SPOPL: variants seen among roughly 807,000 people sequenced by gnomAD.
The protein encoded by SPOPL is speckle type BTB/POZ protein like.
A neutral mutation model predicts 53.8 loss-of-function variants in SPOPL; 23 were observed. The ratio of observed to expected loss-of-function variants is 0.43; its 90% CI spans 0.31 to 0.61. The LOEUF (loss-of-function observed/expected upper bound fraction) is 0.61, where lower values mean the gene tolerates loss of function less well. Among genes scored for constraint, SPOPL ranks in the 20% least tolerant of loss-of-function variants. The pLI is 0.12. For missense variants in SPOPL, 442 were observed against 466.9 expected (o/e 0.95, Z 0.49); for synonymous variants, 164 against 149.7 (o/e 1.10, Z -0.70).
intron 1 of SPOPL, among the ~76,000 whole-genome samples, chr2:138,532,720 G>A (rs985833771): frequency 1.2e-4 from 18 of 151,584 alleles, no homozygotes; most frequent in Admixed American, 6.6e-5. Context: ...GGGATTACAG[G>A]CATGAGCCAC....
rs1488392963 is a variant in SPOPL at position 138,559,184 on chromosome 2, A to G, written c.643A>G (p.Lys215Glu). The change falls in exon 6 of 11, where the codon AAA becomes GAA. Residue 215 changes from lysine to glutamate, a missense_variant. Coordinates refer to ENST00000280098, the MANE Select transcript of SPOPL (RefSeq NM_001001664.3). ...FVRGQEFKAH[K>E]SVLAARSPVF... ...GAGAGGACAAGAATTTAAAGCTCATAAATCTGTGCTTGCAGGTACTTTCTA... is the reference window on the plus strand; with the variant it reads ...GAGAGGACAAGAATTTAAAGCTCATGAATCTGTGCTTGCAGGTACTTTCTA... 5 of 1,613,564 alleles carry G rather than the reference A, an allele frequency of 3.1e-6. No homozygotes were observed. The highest frequency in any genetic ancestry group is 4.2e-6 in the Non-Finnish European group (5 of 1,179,746).
chr2:138,547,624 ATAAT>A (rs1452968867), intron 1 of SPOPL, among the ~76,000 whole-genome samples: 2 of 152,142 alleles, frequency 1.3e-5, no homozygotes, highest in African/African-American at 2.4e-5. Context: ...ACTTTTAAAA[ATAAT>A]TACTTATATT....
chr2:138,545,535 G>A (rs1043897375), intron 1 of SPOPL, among the ~76,000 whole-genome samples: 4 of 151,762 alleles, frequency 2.6e-5, no homozygotes, highest in Admixed American at 6.6e-5. Context: ...CCGGGTTCAC[G>A]CCATTCTCCT....
At chr2:138,542,887 C>T (rs1261017768) in intron 1 of SPOPL, among the ~76,000 whole-genome samples, 1 of 152,146 alleles carries the variant, frequency 6.6e-6, no homozygotes, top group Non-Finnish European at 1.5e-5. Flanking sequence ...TTGTTCCTTT[C>T]CATGTTTAGC....
In SPOPL at chr2:138,559,130, A is replaced by G. The variant is rs1158391122; in HGVS notation, c.589A>G (p.Thr197Ala). ...AGATTTAGGTAATCTCTGGGAAAAC[A>G]CAAGATTTACAGACTGCAGTTTTTT... Reference protein sequence around the residue: ...AEDLGNLWENTRFTDCSFFVR... With the variant: ...AEDLGNLWENARFTDCSFFVR... The change falls in exon 6 of 11, where the codon ACA becomes GCA. Residue 197 changes from threonine (T) to alanine (A), a missense_variant. Physicochemically the swap from Thr to Ala is moderately conservative, Grantham distance 58. Coordinates refer to ENST00000280098, the MANE Select transcript of SPOPL (RefSeq NM_001001664.3). 2 of 1,613,792 alleles carry G rather than the reference A, an allele frequency of 1.2e-6. No individual in the cohort carries two copies. Among genetic ancestry groups the G allele is most frequent in the Non-Finnish European group, 1.7e-6 (2 of 1,179,890 alleles).
intron 1 of SPOPL, among the ~76,000 whole-genome samples, chr2:138,512,785 A>G (rs1395300359): frequency 6.6e-6 from 1 of 152,156 alleles, no homozygotes; most frequent in Non-Finnish European, 1.5e-5. Flanking sequence ...CTTCACAAGT[A>G]GTTATTGACT....
chr2:138,572,431 G>A lies in SPOPL; in HGVS notation c.*3351G>A, dbSNP rs1186647656. On this transcript the variant is annotated 3_prime_UTR_variant, in exon 11 of 11. Transcript: ENST00000280098. ...GTTCATAAATTTAAAATCTTAATCA[G>A]AATTCTTTATAAAATGTGGGTCATA... 1 of 152,028 alleles carries A rather than the reference G, an allele frequency of 6.6e-6. No homozygotes were observed. Among genetic ancestry groups the A allele is most frequent in the Non-Finnish European group, 1.5e-5 (1 of 67,942 alleles). The allele number at this position is 152,028 out of a possible 1,614,324, so 9.4% of individuals were successfully genotyped here.
intron 1 of SPOPL, among the ~76,000 whole-genome samples, chr2:138,522,135 T>G (rs899168041): frequency 6.6e-6 from 1 of 152,198 alleles, no homozygotes; most frequent in African/African-American, 2.4e-5. Context: ...AAGGTAATTC[T>G]ACTGCACACT....
chr2:138,562,511 A>G (rs1034321213), intron 8 of SPOPL, among the ~76,000 whole-genome samples: 1 of 152,272 alleles, frequency 6.6e-6, no homozygotes, highest in East Asian at 1.9e-4. Flanking sequence ...CAGGCCTCGC[A>G]TGGTGGCTCA....
intron 1 of SPOPL, among the ~76,000 whole-genome samples, chr2:138,543,044 A>G (rs1331188818): frequency 2.6e-5 from 4 of 152,288 alleles, no homozygotes; most frequent in Non-Finnish European, 4.4e-5. Context: ...TCTTTTCTTT[A>G]ATAATGTTGA....
At chr2:138,534,326 CAG>C (rs1219483788) in intron 1 of SPOPL, among the ~76,000 whole-genome samples, 1 of 152,046 alleles carries the variant, frequency 6.6e-6, no homozygotes, top group Non-Finnish European at 1.5e-5. Context: ...TAAAACAGCA[CAG>C]TATAACAACT....
intron 1 of SPOPL, among the ~76,000 whole-genome samples, chr2:138,530,732 G>A (rs944748906): frequency 6.6e-6 from 1 of 152,126 alleles, no homozygotes; most frequent in Admixed American, 6.5e-5. Context: ...TCCTGTTAGT[G>A]TGTCTGACTT....
At chr2:138,557,108 ATCGCGCCACTGCAC>A (rs1176904558) in intron 5 of SPOPL, among the ~76,000 whole-genome samples, 1 of 152,064 alleles carries the variant, frequency 6.6e-6, no homozygotes, top group Non-Finnish European at 1.5e-5. Flanking sequence ...GTGAGCAGAG[ATCGCGCCACTGCAC>A]TCCAGCCTGG....
Position 138,559,189 on chromosome 2 carries a change from T to C in SPOPL, c.648T>C (p.Ser216=), listed in dbSNP as rs750337070. The C allele has an allele frequency of 6.2e-7, 1 of 1,613,274 alleles. No individual in the cohort carries two copies. Among genetic ancestry groups the C allele is most frequent in the Admixed American group, 1.7e-5 (1 of 59,908 alleles). ...VRGQEFKAHK[S]VLAARSPVFN... ...GACAAGAATTTAAAGCTCATAAATC[T>C]GTGCTTGCAGGTACTTTCTAGTTAT... The change falls in exon 6 of 11, where the codon TCT becomes TCC. Residue 216 remains serine, a synonymous_variant. Coordinates refer to ENST00000280098, the MANE Select transcript of SPOPL (RefSeq NM_001001664.3).
intron 4 of SPOPL, among the ~76,000 whole-genome samples, chr2:138,552,172 T>C (rs1685327470): frequency 6.6e-6 from 1 of 152,040 alleles, no homozygotes; most frequent in Admixed American, 6.6e-5. Context: ...GTATGTTTCT[T>C]ACCAGATTCT....
chr2:138,504,245 G>A (rs990258991), intron 1 of SPOPL, among the ~76,000 whole-genome samples: 5 of 152,138 alleles, frequency 3.3e-5, no homozygotes, highest in African/African-American at 1.2e-4. Context: ...ATACTTGGGG[G>A]TGACACTGTT....
chr2:138,561,061 G>C, intron 8 of SPOPL, 134 bp downstream of exon 8: 6 of 1,078,372 alleles, frequency 5.6e-6, no homozygotes, highest in Non-Finnish European at 7.8e-6. Context: ...ATAGCATACA[G>C]TGGGGTAATC....
intron 1 of SPOPL, among the ~76,000 whole-genome samples, chr2:138,540,380 A>G (rs1422910024): frequency 6.6e-6 from 1 of 152,222 alleles, no homozygotes; most frequent in Non-Finnish European, 1.5e-5. Flanking sequence ...ACCCATGAGC[A>G]TGGAATGTTC....
At chr2:138,523,700 A>G (rs1464702864) in intron 1 of SPOPL, among the ~76,000 whole-genome samples, 8 of 152,194 alleles carry the variant, frequency 5.3e-5, no homozygotes, top group African/African-American at 1.4e-4. Flanking sequence ...TGCAAATTCA[A>G]AATCCAGCAG....
Sources: gnomAD v4.1 joint callset for allele counts (sites outside exome capture counted in the v4.1 genomes callset) on GRCh38, gnomAD v4.1.1 for gene constraint, MANE v1.5 for transcripts, NCBI Gene and HGNC (gene_info 2026-07-23, HGNC 2026-07-21) for gene names.